RNF103: variants seen among roughly 807,000 people sequenced by gnomAD.
RNF103 encodes the protein E3 ubiquitin-protein ligase RNF103.
A neutral mutation model predicts 66.2 loss-of-function variants in RNF103; 23 were observed. The observed-to-expected ratio is 0.35, with a 90% CI of 0.25 to 0.49. The LOEUF is 0.49. RNF103 is among the 20% of genes least tolerant of loss of function. The pLI is 0.98. For missense variants in RNF103, 730 were observed against 814.7 expected (o/e 0.90, Z 1.27); for synonymous variants, 297 against 289.9 (o/e 1.02, Z -0.25).
At chr2:86,608,579 T>A (rs80138063) in intron 3 of RNF103, among the ~76,000 whole-genome samples, 4 of 151,826 alleles carry the variant, frequency 2.6e-5, no homozygotes, top group African/African-American at 9.7e-5. Flanking sequence ...ACAAGGTCAT[T>A]GGCCTCCTTG....
At chr2:86,611,913 C>T (rs1252742227) in intron 3 of RNF103, among the ~76,000 whole-genome samples, 1 of 152,004 alleles carries the variant, frequency 6.6e-6, no homozygotes, top group African/African-American at 2.4e-5. Flanking sequence ...ATAGAAAAAA[C>T]ACAGAAGAGC....
chr2:86,605,264 G>A lies in RNF103; in HGVS notation c.637C>T (p.Arg213Trp), dbSNP rs1678501408. ...FKWITAHAAS[R>W]IKTIYNAEHL... ...TCAGCATTATAAATGGTTTTGATCCGAGAAGCTGCATGAGCAGTTATCCAT... is the reference window on the plus strand; with the variant it reads ...TCAGCATTATAAATGGTTTTGATCCAAGAAGCTGCATGAGCAGTTATCCAT... Residue 213 changes from arginine (R) to tryptophan (W), a missense_variant, in exon 4 of 4, where the codon CGG (arginine) becomes TGG (tryptophan). Coordinates refer to ENST00000237455, the MANE Select transcript of RNF103 (RefSeq NM_005667.4). 5 of 1,614,064 alleles carry A rather than the reference G, an allele frequency of 3.1e-6. No individual in the cohort carries two copies. The highest frequency in any genetic ancestry group is 4.2e-6 in the Non-Finnish European group (5 of 1,180,018).
Position 86,623,080 on chromosome 2 carries a change from C to G in RNF103, c.-194G>C, listed in dbSNP as rs1177944212. ...GATCCGCGCGGGCGCGAGGCGGCGA[C>G]GAGGGACGCAGAGACGCAGAGCCTC... On this transcript the variant is annotated 5_prime_UTR_variant, in exon 1 of 4. Coordinates refer to ENST00000237455, the MANE Select transcript of RNF103 (RefSeq NM_005667.4). 2 of 1,282,158 alleles carry G rather than the reference C, an allele frequency of 1.6e-6. No homozygotes were observed. The highest frequency in any genetic ancestry group is 1.6e-5 in the African/African-American group (1 of 63,152). The allele number at this position is 1,282,158 out of a possible 1,614,324, so 79.4% of individuals were successfully genotyped here. A position where few individuals can be genotyped will look rare whatever the true frequency, so the allele number is the denominator to read the frequency against.
At chr2:86,617,684 C>T in intron 2 of RNF103, 2 of 988,088 alleles carry the variant, frequency 2.0e-6, no homozygotes, top group Non-Finnish European at 2.4e-6. Flanking sequence ...GAAAGTTATC[C>T]TTTACAATAG....
At chr2:86,609,981 T>C (rs879288322) in intron 3 of RNF103, among the ~76,000 whole-genome samples, 1 of 152,218 alleles carries the variant, frequency 6.6e-6, no homozygotes, top group Non-Finnish European at 1.5e-5. Flanking sequence ...CACTCTTCTC[T>C]ATATCTCTAA....
chr2:86,606,577 C>T (rs890101488), intron 3 of RNF103, among the ~76,000 whole-genome samples: 15 of 149,130 alleles, frequency 1.0e-4, no homozygotes, highest in Non-Finnish European at 1.5e-4. Flanking sequence ...GCAGGAGAAC[C>T]GCTTGAACCC....
chr2:86,613,718 C>T (rs1318172778), intron 2 of RNF103: 4 of 152,058 alleles, frequency 2.6e-5, no homozygotes, highest in East Asian at 1.9e-4. Context: ...TGTGCTAGAA[C>T]GTCTAACAAA....
In RNF103 at chr2:86,614,643, G is replaced by A. The variant is rs920377861; in HGVS notation, c.367-2369C>T. On this transcript the variant is annotated intron_variant, in intron 2 of 3. Transcript: ENST00000237455. Reference sequence around the variant, plus strand: ...AAAAAAGTTGTACCTAGAAAATTAGGAAGATCAAGCAAAGCAGGCGCCTAT... The same window carrying A: ...AAAAAAGTTGTACCTAGAAAATTAGAAAGATCAAGCAAAGCAGGCGCCTAT... 3 of 523,388 alleles carry A rather than the reference G, an allele frequency of 5.7e-6. No individual in the cohort carries two copies. In the South Asian group the frequency reaches 2.4e-4, roughly 42 times the overall value. 32.4% of individuals were successfully genotyped at this position (523,388 alleles called of 1,614,324 possible). A position where few individuals can be genotyped will look rare whatever the true frequency, so the allele number is the denominator to read the frequency against.
chr2:86,604,244 C>T lies in RNF103; in HGVS notation c.1657G>A (p.Val553Ile). The T allele has an allele frequency of 6.2e-7, 1 of 1,614,152 alleles. No individual in the cohort carries two copies. Among genetic ancestry groups the T allele is most frequent in the South Asian group, 1.1e-5 (1 of 91,082 alleles). The change falls in exon 4 of 4, where the codon GTA becomes ATA. Residue 553 changes from valine (V) to isoleucine (I), a missense_variant. By Grantham distance (29) the Val-to-Ile change is conservative. Around this residue, in one of 3 missense-constraint regions of RNF103, gnomAD observed 355 missense variants for 351.9 expected, o/e 1.01. Transcript: ENST00000237455. ...NTDTLSSEKE[V>I]FEDKQSVLHN... ...AGTACGCTTTGCTTATCTTCAAATA[C>T]TTCCTTCTCACTACTCAAAGTGTCT...
Position 86,622,954 on chromosome 2 carries a change from G to C in RNF103, c.-68C>G. On this transcript the variant is annotated 5_prime_UTR_variant, in exon 1 of 4. Coordinates refer to ENST00000237455, the MANE Select transcript of RNF103 (RefSeq NM_005667.4). ...GGAGAGAGAAGGGTCGAGGGCGGGG[G>C]CCGCGGCTCGGTGGCAGCTTGGGCG... 1 of 1,496,184 alleles carries C rather than the reference G, an allele frequency of 6.7e-7. No individual in the cohort carries two copies. The allele number at this position is 1,496,184 out of a possible 1,614,324, so 92.7% of individuals were successfully genotyped here.
At chr2:86,610,407 A>G (rs1678747358) in intron 3 of RNF103, among the ~76,000 whole-genome samples, 6 of 152,220 alleles carry the variant, frequency 3.9e-5, no homozygotes, top group South Asian at 4.1e-4. Flanking sequence ...ACTAAAATCC[A>G]CTGGACTGAA....
chr2:86,623,076 G>A lies in RNF103; in HGVS notation c.-190C>T. 7.7e-7 allele frequency: 1 copy of A among 1,297,360 alleles called. No individual in the cohort carries two copies. The highest frequency in any genetic ancestry group is 9.7e-7 in the Non-Finnish European group (1 of 1,028,598). 80.4% of individuals were successfully genotyped at this position (1,297,360 alleles called of 1,614,324 possible). On this transcript the variant is annotated 5_prime_UTR_variant, in exon 1 of 4. Coordinates refer to ENST00000237455, the MANE Select transcript of RNF103 (RefSeq NM_005667.4). The stretch of plus-strand genomic sequence containing the variant: ...ACGGGATCCGCGCGGGCGCGAGGCG[G>A]CGACGAGGGACGCAGAGACGCAGAG...
At position 86,604,301 on chromosome 2, in the gene RNF103, C is replaced by T; in HGVS notation, c.1600G>A (p.Asp534Asn). ...TCACTTTCCGAGTCATTTTCAGTAT[C>T]TTGAGACCCCTCCGACATTTCCTCT... Reference protein sequence around the residue: ...SEEEMSEGSQDTENDSESENT... With the variant: ...SEEEMSEGSQNTENDSESENT... Residue 534 changes from aspartate to asparagine, a missense_variant, in exon 4 of 4, where the codon GAT becomes AAT. Physicochemically the swap from Asp to Asn is conservative, Grantham distance 23. Around this residue, in one of 3 missense-constraint regions of RNF103, gnomAD observed 355 missense variants for 351.9 expected, o/e 1.01. Transcript: ENST00000237455. 6.2e-7 allele frequency: 1 copy of T among 1,614,216 alleles called. No homozygotes were observed.
intron 3 of RNF103, among the ~76,000 whole-genome samples, chr2:86,608,237 A>G (rs1678645892): frequency 6.6e-6 from 1 of 152,288 alleles, no homozygotes; most frequent in South Asian, 2.1e-4. Context: ...CTGTAATCCC[A>G]GCACTTTGGG....
Position 86,623,036 on chromosome 2 carries a change from G to C in RNF103, c.-150C>G, listed in dbSNP as rs1573374189. ...CGCCGTCACTGGCCGGCCATCCCCG[G>C]CGGGGAAGCAGGTGACGGGATCCGC... On this transcript the variant is annotated 5_prime_UTR_variant, in exon 1 of 4. Coordinates refer to ENST00000237455, the MANE Select transcript of RNF103 (RefSeq NM_005667.4). 3 of 1,351,530 alleles carry C rather than the reference G, an allele frequency of 2.2e-6. No homozygotes were observed. The highest frequency in any genetic ancestry group is 2.8e-6 in the Non-Finnish European group (3 of 1,058,612). The allele number at this position is 1,351,530 out of a possible 1,614,324, so 83.7% of individuals were successfully genotyped here.
At chr2:86,607,922 T>C (rs1196791518) in intron 3 of RNF103, among the ~76,000 whole-genome samples, 1 of 151,662 alleles carries the variant, frequency 6.6e-6, no homozygotes, top group African/African-American at 2.4e-5. Flanking sequence ...ACAAACATAT[T>C]ATGTGCTTTC....
At chr2:86,619,220 G>A (rs113545558) in intron 2 of RNF103, among the ~76,000 whole-genome samples, 278 of 152,216 alleles carry the variant, frequency 1.8e-3, no homozygotes, top group African/African-American at 6.5e-3. Flanking sequence ...CTGTAACAGC[G>A]ACAGTACCAG....
At position 86,623,513 on chromosome 2, in the gene RNF103, C is replaced by A; in HGVS notation, c.-627G>T. ...AGCCCAGGCCCCAGGCCCCGCCGAC[C>A]GCCCAGGCTCCGCGAGAAGAGCGGC... On this transcript the variant is annotated 5_prime_UTR_variant, in exon 1 of 4. Coordinates refer to ENST00000237455, the MANE Select transcript of RNF103 (RefSeq NM_005667.4). 1 of 983,840 alleles carries A rather than the reference C, an allele frequency of 1.0e-6. No homozygotes were observed. The highest frequency in any genetic ancestry group is 1.2e-6 in the Non-Finnish European group (1 of 829,508). The allele number at this position is 983,840 out of a possible 1,614,324, so 60.9% of individuals were successfully genotyped here.
chr2:86,612,334 G>C, intron 2 of RNF103, 60 bp from the exon 3 acceptor site: 1 of 860,784 alleles, frequency 1.2e-6, no homozygotes, highest in Non-Finnish European at 1.9e-6. Context: ...CAAGCCAACC[G>C]TTTACATCAA....
Sources: gnomAD v4.1 joint callset for allele counts (sites outside exome capture counted in the v4.1 genomes callset) on GRCh38, gnomAD v4.1.1 for gene constraint, gnomAD v4.1.1 regional missense constraint, MANE v1.5 for transcripts, NCBI Gene and HGNC (gene_info 2026-07-23, HGNC 2026-07-21) for gene names.